The following SNTG1 variants were observed in gnomAD, a reference collection of about 807,000 sequenced individuals.
SNTG1 encodes the protein syntrophin gamma 1, also known as gamma-1-syntrophin.
Under a neutral mutation model 74.7 loss-of-function variants are expected in SNTG1, and 39 were observed. That is an observed-to-expected ratio of 0.52 (90% CI 0.40 to 0.68). The LOEUF (loss-of-function observed/expected upper bound fraction) is 0.68. SNTG1 is among the 30% of genes least tolerant of loss of function. The pLI is 0.00. For synonymous variants in SNTG1, 254 were observed against 217.1 expected (o/e 1.17, Z -1.49); for missense variants, 685 against 609.5 (o/e 1.12, Z -1.30).
intron 1 of SNTG1, among the ~76,000 whole-genome samples, chr8:50,073,547 A>G (rs1321959007): frequency 6.6e-6 from 1 of 152,146 alleles, no homozygotes; most frequent in African/African-American, 2.4e-5. Context: ...AATGTTATTA[A>G]TGACATTTGG....
chr8:50,086,843 G>T (rs1822932062), intron 1 of SNTG1, among the ~76,000 whole-genome samples: 1 of 152,126 alleles, frequency 6.6e-6, no homozygotes, highest in Non-Finnish European at 1.5e-5. Flanking sequence ...GTACTGAAGG[G>T]TTAGAATATC....
chr8:49,996,791 G>A (rs560320471), intron 1 of SNTG1, among the ~76,000 whole-genome samples: 1 of 151,968 alleles, frequency 6.6e-6, no homozygotes, highest in Admixed American at 6.6e-5. Flanking sequence ...ATATTAACAA[G>A]GAACTAAGAA....
intron 2 of SNTG1, among the ~76,000 whole-genome samples, chr8:50,240,325 G>A (rs955496892): frequency 1.3e-5 from 2 of 152,184 alleles, no homozygotes; most frequent in African/African-American, 4.8e-5. Flanking sequence ...AGCAGAAGGT[G>A]ACAACAGGCT....
At chr8:50,018,830 A>G (rs1816573814) in intron 1 of SNTG1, among the ~76,000 whole-genome samples, 1 of 152,050 alleles carries the variant, frequency 6.6e-6, no homozygotes, top group East Asian at 1.9e-4. Flanking sequence ...ACAAAAAATA[A>G]CAAGTGTTGG....
chr8:50,730,248 G>A (rs1563788407), intron 17 of SNTG1, among the ~76,000 whole-genome samples: 1 of 152,170 alleles, frequency 6.6e-6, no homozygotes. Context: ...AGTTTTCTCT[G>A]CTAAGTGGAG....
At chr8:50,701,766 C>A (rs2095426413) in intron 15 of SNTG1, among the ~76,000 whole-genome samples, 1 of 148,304 alleles carries the variant, frequency 6.7e-6, no homozygotes, top group Admixed American at 6.8e-5. Context: ...CCTTCTTCTT[C>A]TTCTTCTTTC....
chr8:50,402,736 G>A (rs2092822915), intron 4 of SNTG1, among the ~76,000 whole-genome samples: 2 of 152,164 alleles, frequency 1.3e-5, no homozygotes, highest in Admixed American at 1.3e-4. Flanking sequence ...CCAACCTTCA[G>A]CATCACTGAA....
chr8:50,737,267 A>G (rs1395078971), intron 17 of SNTG1, among the ~76,000 whole-genome samples: 1 of 152,206 alleles, frequency 6.6e-6, no homozygotes. Flanking sequence ...ACCACCAGAG[A>G]ATACTATAAA....
At chr8:50,748,388 C>A (rs1351712477) in intron 17 of SNTG1, among the ~76,000 whole-genome samples, 1 of 151,972 alleles carries the variant, frequency 6.6e-6, no homozygotes, top group African/African-American at 2.4e-5. Flanking sequence ...AGAAACTCTG[C>A]TTAAAGAGGC....
chr8:50,720,647 G>C (rs2095485568), intron 17 of SNTG1, among the ~76,000 whole-genome samples: 1 of 152,156 alleles, frequency 6.6e-6, no homozygotes, highest in Non-Finnish European at 1.5e-5. Flanking sequence ...TTGATCAATT[G>C]CTTAAACAGA....
chr8:50,243,674 A>G (rs1443522614), intron 2 of SNTG1, among the ~76,000 whole-genome samples: 2 of 141,606 alleles, frequency 1.4e-5, no homozygotes, highest in East Asian at 2.0e-4. Flanking sequence ...GCCAGGTCTC[A>G]GGGTAATTAA....
rs1222377815 is a variant in SNTG1 at position 50,124,544 on chromosome 8, A to G, written c.-102-48017A>G. On this transcript the variant is annotated intron_variant, in intron 1 of 18. Transcript: ENST00000642720. ...AAAGATTAACGTTGCATATTAATAA[A>G]GCTGACCTCTAAATATAAGATGCTG... Among the ~76,000 whole-genome samples, 2 of 142,728 alleles carry G rather than the reference A, an allele frequency of 1.4e-5. 1 individual carries two copies. The highest frequency in any genetic ancestry group is 4.0e-4 in the East Asian group (2 of 4,994). The allele number at this position is 142,728 out of a possible 152,430, so 93.6% of individuals were successfully genotyped here.
chr8:50,557,336 C>A (rs2094462137), intron 12 of SNTG1, among the ~76,000 whole-genome samples: 1 of 151,904 alleles, frequency 6.6e-6, no homozygotes, highest in African/African-American at 2.4e-5. Flanking sequence ...TTGGGGTATT[C>A]TGTTACACAG....
In SNTG1 at chr8:50,155,735, C is replaced by A. The variant is rs1216129916; in HGVS notation, c.-102-16826C>A. ...AAAAGGTTTATGATAAAAACATCACCTTTCACTCTATAGGGCCATCTGAAG... is the reference window on the plus strand; with the variant it reads ...AAAAGGTTTATGATAAAAACATCACATTTCACTCTATAGGGCCATCTGAAG... On this transcript the variant is annotated intron_variant, in intron 1 of 18. Transcript: ENST00000642720. 2.6e-5 allele frequency among the ~76,000 whole-genome samples: 4 copies of A among 151,740 alleles called. No homozygotes were observed. In the East Asian group the frequency reaches 7.7e-4, roughly 29 times the overall value.
intron 1 of SNTG1, among the ~76,000 whole-genome samples, chr8:50,133,113 C>A (rs1434616955): frequency 2.6e-5 from 4 of 152,190 alleles, no homozygotes; most frequent in Non-Finnish European, 5.9e-5. Flanking sequence ...AGCCAGTCTG[C>A]ACCTTCTGTG....
At chr8:50,038,313 TTCTGG>T (rs1818335393) in intron 1 of SNTG1, among the ~76,000 whole-genome samples, 1 of 152,150 alleles carries the variant, frequency 6.6e-6, no homozygotes, top group South Asian at 2.1e-4. Flanking sequence ...TCCTCCAAGT[TTCTGG>T]TTCTGGGAAC....
intron 2 of SNTG1, among the ~76,000 whole-genome samples, chr8:50,351,895 A>G (rs1010300852): frequency 1.3e-5 from 2 of 152,202 alleles, no homozygotes; most frequent in African/African-American, 2.4e-5. Flanking sequence ...TTGGGAAAAA[A>G]TATTGGTTCA....
chr8:50,349,887 C>T (rs983134977), intron 2 of SNTG1, among the ~76,000 whole-genome samples: 20 of 152,154 alleles, frequency 1.3e-4, no homozygotes, highest in Non-Finnish European at 2.8e-4. Flanking sequence ...AAGGTAGGAG[C>T]CGGCTCCCTC....
rs2081338987 is a variant in SNTG1, at chr8:50,132,161, G to T, written c.-102-40400G>T. Among the ~76,000 whole-genome samples, 3 of 152,056 alleles carry T rather than the reference G, an allele frequency of 2.0e-5. No homozygotes were observed. In the South Asian group the frequency reaches 6.2e-4, roughly 32 times the overall value. On this transcript the variant is annotated intron_variant, in intron 1 of 18. Coordinates refer to ENST00000642720, the MANE Select transcript of SNTG1 (RefSeq NM_018967.5). The stretch of plus-strand genomic sequence containing the variant: ...TCAAAATTGCTTTTGCTATTTATGG[G>T]TCTATTGTCATTCCATGAAAGTCTT...
Sources: gnomAD v4.1 joint callset for allele counts (sites outside exome capture counted in the v4.1 genomes callset) on GRCh38, gnomAD v4.1.1 for gene constraint, MANE v1.5 for transcripts, NCBI Gene and HGNC (gene_info 2026-07-23, HGNC 2026-07-21) for gene names.